SEC24A: variants seen among roughly 807,000 people sequenced by gnomAD.
SEC24A encodes the protein protein transport protein Sec24A.
In SEC24A, 93 loss-of-function variants were observed where a neutral mutation model predicts 129.4. The ratio of observed to expected loss-of-function variants is 0.72; its 90% CI spans 0.61 to 0.85. SEC24A has a LOEUF of 0.85. Ranked by LOEUF, SEC24A falls within the 40% of genes least tolerant of loss-of-function variation. SEC24A has a pLI of 0.00. For missense variants in SEC24A, 1,264 were observed against 1,307.4 expected, an observed-to-expected ratio of 0.97 and a Z score of 0.51; for synonymous variants, 460 against 467.3, an observed-to-expected ratio of 0.98 and a Z score of 0.20.
chr5:134,676,542 C>T (rs1335169450), intron 7 of SEC24A, among the ~76,000 whole-genome samples: 4 of 146,650 alleles, frequency 2.7e-5, no homozygotes, highest in African/African-American at 7.5e-5. Flanking sequence ...CTCCCAGGTT[C>T]GGGCAATTCT....
Position 134,679,696 on chromosome 5 carries a change from G to A in SEC24A, c.1349G>A (p.Trp450Ter), listed in dbSNP as rs1751195488. 1 of 1,596,964 alleles carries A rather than the reference G, an allele frequency of 6.3e-7. No individual in the cohort carries two copies. Among genetic ancestry groups the A allele is most frequent in the Non-Finnish European group, 8.6e-7 (1 of 1,168,864 alleles). ...GTCAGCTTTCTTGATCAAAGGAGATGGAAGTGTAACTTATGTTATCGAGTC... is the reference window on the plus strand; with the variant it reads ...GTCAGCTTTCTTGATCAAAGGAGATAGAAGTGTAACTTATGTTATCGAGTC... ...PFVSFLDQRR[W>*]KCNLCYRVND... Residue 450 changes from tryptophan to a stop codon, truncating the protein, a stop_gained, in exon 8 of 23, where the codon TGG (tryptophan) becomes TAG (stop). Coordinates refer to ENST00000398844, the MANE Select transcript of SEC24A (RefSeq NM_021982.3). LOFTEE classifies it high-confidence loss of function.
chr5:134,685,063 G>C (rs1004529011), intron 9 of SEC24A, among the ~76,000 whole-genome samples: 1 of 152,072 alleles, frequency 6.6e-6, no homozygotes, highest in Non-Finnish European at 1.5e-5. Context: ...AAAATGTTCA[G>C]AAAAACACAG....
chr5:134,704,819 G>A (rs199765658), intron 16 of SEC24A, among the ~76,000 whole-genome samples: 2 of 146,560 alleles, frequency 1.4e-5, no homozygotes, highest in East Asian at 4.2e-4. Context: ...AAAAAAAAAA[G>A]GATGAAATTT....
intron 22 of SEC24A, among the ~76,000 whole-genome samples, chr5:134,724,218 C>T (rs72800326): frequency 0.12 from 18,941 of 152,180 alleles, 1,542 homozygotes; most frequent in South Asian, 0.36. Flanking sequence ...TAAGTAAGAT[C>T]GTGTGGTGTT....
rs189446760 is a variant in SEC24A, at chr5:134,697,652, A to C, written c.2108-247A>C. On this transcript the variant is annotated intron_variant, in intron 14 of 22. Coordinates refer to ENST00000398844, the MANE Select transcript of SEC24A (RefSeq NM_021982.3). ...ACACCTGTGGTCCCAGCTGCCTGGA[A>C]GGCTGAGGTGGGAAGAGTGCTTGAG... 3.6e-3 allele frequency among the ~76,000 whole-genome samples: 554 copies of C among 152,270 alleles called. 3 individuals carry two copies. Among genetic ancestry groups the C allele is most frequent in the African/African-American group, 0.013 (530 of 41,560 alleles).
At chr5:134,688,135 T>C in intron 10 of SEC24A, 46 bp from the exon 11 acceptor site, 1 of 1,014,156 alleles carries the variant, frequency 9.9e-7, no homozygotes, top group Non-Finnish European at 1.6e-6. Flanking sequence ...TGTGTATTTG[T>C]ATGTGGTTAA....
chr5:134,705,412 A>C lies in SEC24A; in HGVS notation c.2526A>C (p.Ala842=), dbSNP rs760252830. ...TCTTTCTTGGAGCTGATGTTCAAGC[A>C]ATTTCAGGGTTATTGGCCAATATGG... ...NDVFLGADVQ[A]ISGLLANMAV... The change falls in exon 17 of 23, where the codon GCA becomes GCC. Residue 842 remains alanine, a synonymous_variant. Coordinates refer to ENST00000398844, the MANE Select transcript of SEC24A (RefSeq NM_021982.3). 1 of 1,612,572 alleles carries C rather than the reference A, an allele frequency of 6.2e-7. No individual in the cohort carries two copies. The highest frequency in any genetic ancestry group is 8.5e-7 in the Non-Finnish European group (1 of 1,178,956).
At chr5:134,678,017 G>GTTAT (rs540190639) in intron 7 of SEC24A, among the ~76,000 whole-genome samples, 13 of 151,828 alleles carry the variant, frequency 8.6e-5, no homozygotes, top group Admixed American at 2.6e-4. Context: ...CGTATTTACT[G>GTTAT]TTATTTATTT....
chr5:134,685,366 T>TA (rs765501527), intron 9 of SEC24A, among the ~76,000 whole-genome samples: 72 of 138,420 alleles, frequency 5.2e-4, no homozygotes, highest in Admixed American at 8.7e-4. Context: ...ACCTTCTCTC[T>TA]AAAAAAAAAA....
In SEC24A at chr5:134,688,162, C is replaced by A. The variant is rs939646128; in HGVS notation, c.1605-19C>A. On this transcript the variant is annotated intron_variant, in intron 10 of 22. Coordinates refer to ENST00000398844, the MANE Select transcript of SEC24A (RefSeq NM_021982.3). ...TGTGGTTAAAACTTGATAAAATACT[C>A]TTCTGAATTTGTTTTTAGGCTTCCT... 6 of 1,353,700 alleles carry A rather than the reference C, an allele frequency of 4.4e-6. No homozygotes were observed. The highest frequency in any genetic ancestry group is 1.4e-5 in the African/African-American group (1 of 69,926). 83.9% of individuals were successfully genotyped at this position (1,353,700 alleles called of 1,614,324 possible). A position where few individuals can be genotyped will look rare whatever the true frequency, so the allele number is the denominator to read the frequency against.
chr5:134,715,263 A>G lies in SEC24A; in HGVS notation c.2865+102A>G, dbSNP rs569763013. 3.9e-6 allele frequency: 4 copies of G among 1,024,794 alleles called. No homozygotes were observed. In the South Asian group the frequency reaches 6.3e-5, roughly 16 times the overall value. 63.5% of individuals were successfully genotyped at this position (1,024,794 alleles called of 1,614,324 possible). On this transcript the variant is annotated intron_variant, in intron 19 of 22. Coordinates refer to ENST00000398844, the MANE Select transcript of SEC24A (RefSeq NM_021982.3). ...GGGTTTGTTTATTATTTAAGGCTTT[A>G]GCTTTTATTTTATTTATTTATTTTT... is the stretch of plus-strand genomic sequence containing the variant.
chr5:134,719,578 C>A (rs567637267), intron 20 of SEC24A, among the ~76,000 whole-genome samples: 1 of 151,932 alleles, frequency 6.6e-6, no homozygotes, highest in East Asian at 1.9e-4. Flanking sequence ...ATACCAGCTA[C>A]TTGGGAGGCT....
chr5:134,666,096 G>T (rs1189514583), intron 2 of SEC24A, among the ~76,000 whole-genome samples: 1 of 151,504 alleles, frequency 6.6e-6, no homozygotes, highest in African/African-American at 2.4e-5. Flanking sequence ...GATCAGCCTG[G>T]GCAACAAAAT....
intron 8 of SEC24A, among the ~76,000 whole-genome samples, chr5:134,680,343 T>C (rs1308899026): frequency 6.6e-6 from 1 of 152,176 alleles, no homozygotes; most frequent in Non-Finnish European, 1.5e-5. Flanking sequence ...GTTTTTGTTT[T>C]TGTTTTTGAG....
At chr5:134,651,539 G>A (rs1189882114) in intron 1 of SEC24A, among the ~76,000 whole-genome samples, 2 of 150,582 alleles carry the variant, frequency 1.3e-5, no homozygotes, top group East Asian at 2.0e-4. Flanking sequence ...ATAATGATCC[G>A]CCCACCCTGG....
chr5:134,671,350 G>A (rs1039129138), intron 3 of SEC24A, among the ~76,000 whole-genome samples: 1 of 152,084 alleles, frequency 6.6e-6, no homozygotes, highest in Non-Finnish European at 1.5e-5. Flanking sequence ...GTGAGCCACC[G>A]CACCTGGCCT....
chr5:134,661,561 A>G lies in SEC24A; in HGVS notation c.540A>G (p.Ser180=). 6.2e-7 allele frequency: 1 copy of G among 1,612,898 alleles called. No homozygotes were observed. The highest frequency in any genetic ancestry group is 8.5e-7 in the Non-Finnish European group (1 of 1,178,904). The change falls in exon 2 of 23, where the codon TCA becomes TCG. Residue 180 remains serine (S), a synonymous_variant. Coordinates refer to ENST00000398844, the MANE Select transcript of SEC24A (RefSeq NM_021982.3). ...AATATGTTTCTTCTGGATATCCTTC[A>G]CTTCAAAATAGCTTCATAAAGTCAG... is the stretch of plus-strand genomic sequence containing the variant. ...NHQYVSSGYP[S]LQNSFIKSGP...
chr5:134,720,328 A>G (rs1245142620), intron 20 of SEC24A, among the ~76,000 whole-genome samples: 1 of 152,220 alleles, frequency 6.6e-6, no homozygotes, highest in African/African-American at 2.4e-5. Context: ...GTAACATGCT[A>G]TAGACGTTTG....
intron 3 of SEC24A, 39 bp from the exon 4 acceptor site, chr5:134,671,770 C>A (rs1288422256): frequency 1.7e-6 from 2 of 1,186,700 alleles, no homozygotes; most frequent in Non-Finnish European, 1.2e-6. Flanking sequence ...TTGTAATAAT[C>A]ATTCTAATTA....
Sources: allele counts gnomAD v4.1 joint callset (sites outside exome capture counted in the v4.1 genomes callset), GRCh38; gene constraint gnomAD v4.1.1; transcripts MANE v1.5; gene names NCBI Gene and HGNC (gene_info 2026-07-23, HGNC 2026-07-21).